ADK: variants seen among roughly 807,000 people sequenced by gnomAD.
The protein encoded by ADK is N6,N6-dimethyladenosine kinase.
ADK carries 24 observed loss-of-function variants against 44.7 expected under a neutral mutation model. The ratio of observed to expected loss-of-function variants is 0.54; its 90% CI spans 0.39 to 0.76. ADK has a LOEUF of 0.76. Among genes scored for constraint, ADK ranks in the 30% least tolerant of loss-of-function variants. The probability of loss-of-function intolerance (pLI) is 0.00; values close to 1 mark genes in which losing one functional copy is unlikely to be tolerated. For synonymous variants in ADK, 128 were observed against 142.6 expected (o/e 0.90, Z 0.73); for missense variants, 321 against 425.1 (o/e 0.76, Z 2.15).
intron 4 of ADK, among the ~76,000 whole-genome samples, chr10:74,392,875 C>CT (rs1459134137): frequency 2.0e-5 from 3 of 151,908 alleles, no homozygotes; most frequent in South Asian, 2.1e-4. Flanking sequence ...AGAGCTTTTC[C>CT]TTTTTTTGTG....
At chr10:74,449,469 A>G (rs1306288975) in intron 6 of ADK, among the ~76,000 whole-genome samples, 1 of 152,322 alleles carries the variant, frequency 6.6e-6, no homozygotes, top group East Asian at 1.9e-4. Context: ...CCATCTTGGG[A>G]TAAAGTTTTT....
chr10:74,566,324 A>G lies in ADK; in HGVS notation c.727-22958A>G, dbSNP rs1183907907. The stretch of plus-strand genomic sequence containing the variant: ...TGGGCTCAAGTAATCCTCCCACCTC[A>G]GCCTCCTGAGTAGCTGGGACCACAG... On this transcript the variant is annotated intron_variant, in intron 7 of 10. Transcript: ENST00000539909. Among the ~76,000 whole-genome samples, 3 of 147,422 alleles carry G rather than the reference A, an allele frequency of 2.0e-5. No individual in the cohort carries two copies. The Admixed American group carries it at 2.1e-4, about 10-fold the overall frequency.
chr10:74,330,008 A>T (rs28711776), intron 4 of ADK, among the ~76,000 whole-genome samples: 34 of 149,524 alleles, frequency 2.3e-4, no homozygotes, highest in East Asian at 2.2e-3. Flanking sequence ...CAAATAATAA[A>T]AAAAAAAAAA....
At chr10:74,243,812 A>G (rs1237105551) in intron 3 of ADK, among the ~76,000 whole-genome samples, 1 of 152,204 alleles carries the variant, frequency 6.6e-6, no homozygotes, top group Non-Finnish European at 1.5e-5. Flanking sequence ...GCAGTGAGCC[A>G]TCACGCCACA....
At chr10:74,502,540 A>T (rs1847918673) in intron 6 of ADK, among the ~76,000 whole-genome samples, 1 of 152,160 alleles carries the variant, frequency 6.6e-6, no homozygotes, top group African/African-American at 2.4e-5. Flanking sequence ...AATTAAAAAA[A>T]ATTTCAAAAT....
At chr10:74,322,381 T>C (rs1370440801) in intron 4 of ADK, among the ~76,000 whole-genome samples, 2 of 152,218 alleles carry the variant, frequency 1.3e-5, no homozygotes, top group Non-Finnish European at 2.9e-5. Context: ...TTGAAGAAAG[T>C]AGTAAGTATT....
intron 1 of ADK, among the ~76,000 whole-genome samples, chr10:74,197,706 A>T (rs1843211671): frequency 1.2e-5 from 1 of 82,342 alleles, no homozygotes; most frequent in Non-Finnish European, 3.3e-5. Context: ...TAAAAAAAAA[A>T]AAAAGAAAAA....
intron 9 of ADK, among the ~76,000 whole-genome samples, chr10:74,649,052 CA>C (rs1291111364): frequency 4.6e-5 from 7 of 151,636 alleles, no homozygotes; most frequent in African/African-American, 1.7e-4. Flanking sequence ...TGGTGGCACG[CA>C]GCCTGTAGTC....
intron 2 of ADK, among the ~76,000 whole-genome samples, chr10:74,212,808 TTTAG>T (rs1332415339): frequency 7.7e-6 from 1 of 130,292 alleles, no homozygotes; most frequent in Non-Finnish European, 1.6e-5. Flanking sequence ...ACTTGATCAC[TTTAG>T]TTATGATAGA....
chr10:74,559,592 C>T (rs2133811545), intron 7 of ADK, among the ~76,000 whole-genome samples: 1 of 152,318 alleles, frequency 6.6e-6, no homozygotes, highest in South Asian at 2.1e-4. Context: ...GAAAATTTAA[C>T]TTTTGATACA....
intron 3 of ADK, among the ~76,000 whole-genome samples, chr10:74,247,996 C>T (rs946638290): frequency 5.9e-5 from 9 of 152,124 alleles, no homozygotes; most frequent in Non-Finnish European, 1.3e-4. Context: ...TATTATTTCT[C>T]AGGTTGAGCC....
At chr10:74,207,031 T>C (rs1331909697) in intron 2 of ADK, among the ~76,000 whole-genome samples, 2 of 151,186 alleles carry the variant, frequency 1.3e-5, no homozygotes, top group East Asian at 3.9e-4. Context: ...TGGCAAAGAG[T>C]GTGTGAGCAA....
intron 4 of ADK, among the ~76,000 whole-genome samples, chr10:74,370,027 C>G (rs1469739525): frequency 6.6e-6 from 1 of 152,108 alleles, no homozygotes; most frequent in Non-Finnish European, 1.5e-5. Context: ...GAAATATTTT[C>G]TATCACATAA....
chr10:74,593,495 C>T (rs1253482769), intron 8 of ADK, among the ~76,000 whole-genome samples: 7 of 150,944 alleles, frequency 4.6e-5, no homozygotes, highest in Non-Finnish European at 5.9e-5. Flanking sequence ...GCGACACAAA[C>T]AGCAAAACAA....
intron 2 of ADK, among the ~76,000 whole-genome samples, chr10:74,221,472 TC>T (rs1844306078): frequency 6.6e-6 from 1 of 152,132 alleles, no homozygotes. Context: ...TTTAATGCCA[TC>T]CCCATCAAGC....
chr10:74,628,989 T>G (rs1366007621), intron 9 of ADK, among the ~76,000 whole-genome samples: 1 of 152,134 alleles, frequency 6.6e-6, no homozygotes, highest in Non-Finnish European at 1.5e-5. Context: ...GCAGTCACAA[T>G]TAGATCATCA....
chr10:74,287,336 C>T (rs12569695), intron 3 of ADK, among the ~76,000 whole-genome samples: 2,923 of 151,982 alleles, frequency 0.019, 74 homozygotes, highest in African/African-American at 0.057. Context: ...TGGTGGTGCA[C>T]GCCTGTAATC....
At chr10:74,415,485 A>G (rs1241520383) in intron 6 of ADK, among the ~76,000 whole-genome samples, 1 of 152,172 alleles carries the variant, frequency 6.6e-6, no homozygotes, top group Non-Finnish European at 1.5e-5. Context: ...GTCTTCCAAT[A>G]TATTTACTGA....
chr10:74,530,847 C>T (rs1332488044), intron 7 of ADK, among the ~76,000 whole-genome samples: 1 of 152,096 alleles, frequency 6.6e-6, no homozygotes, highest in Non-Finnish European at 1.5e-5. Flanking sequence ...ATTACTTGAA[C>T]CTGGGAAGCA....
Sources: allele counts gnomAD v4.1 joint callset (sites outside exome capture counted in the v4.1 genomes callset), GRCh38; gene constraint gnomAD v4.1.1; transcripts MANE v1.5; gene names NCBI Gene and HGNC (gene_info 2026-07-23, HGNC 2026-07-21).